Variants in C1orf50 observed in about 807,000 individuals in gnomAD.
The protein encoded by C1orf50 is chromosome 1 open reading frame 50.
In C1orf50, 22 loss-of-function variants were observed where a neutral mutation model predicts 23.3. That is an observed-to-expected ratio of 0.94 (90% CI 0.67 to 1.35). The LOEUF is 1.35. Ranked by LOEUF, C1orf50 falls within the 40% of genes most tolerant of loss-of-function variation. C1orf50 has a pLI of 0.00. For missense variants in C1orf50, 271 were observed against 249.4 expected, an observed-to-expected ratio of 1.09 and a Z score of -0.58; for synonymous variants, 96 against 102.4, an observed-to-expected ratio of 0.94 and a Z score of 0.38.
chr1:42,775,212 T>C lies in C1orf50; in HGVS notation c.418T>C (p.Trp140Arg). The C allele has an allele frequency of 6.3e-7, 1 of 1,587,984 alleles. No individual in the cohort carries two copies. The highest frequency in any genetic ancestry group is 1.7e-4 in the Middle Eastern group (1 of 5,990). ...QYFSIISPKE[W>R]GTSCPHDFLG... is the part of the protein sequence containing the mutation. The stretch of plus-strand genomic sequence containing the variant: ...CTGCCTCCTTTGCCTTCTCTAGGAA[T>C]GGGGGACAAGTTGTCCACATGACTT... Residue 140 changes from tryptophan (W) to arginine (R), a missense_variant, in exon 5 of 5, where the codon TGG becomes CGG. Coordinates refer to ENST00000372525, the MANE Select transcript of C1orf50 (RefSeq NM_024097.4).
Position 42,778,491 on chromosome 1 carries a change from A to G in C1orf50, c.*3097A>G, listed in dbSNP as rs182700972. The G allele has an allele frequency of 7.9e-5, 12 of 152,260 alleles. No individual in the cohort carries two copies. Among genetic ancestry groups the G allele is most frequent in the Admixed American group, 4.6e-4 (7 of 15,294 alleles). 9.4% of individuals were successfully genotyped at this position (152,260 alleles called of 1,614,324 possible). On this transcript the variant is annotated 3_prime_UTR_variant, in exon 5 of 5. Coordinates refer to ENST00000372525, the MANE Select transcript of C1orf50 (RefSeq NM_024097.4). ...AAGTTAGAACTTTCTGGAGGCTCCAATTGCCCTTTCATAGGAAGTTTGTCT... is the reference window on the plus strand; with the variant it reads ...AAGTTAGAACTTTCTGGAGGCTCCAGTTGCCCTTTCATAGGAAGTTTGTCT...
At chr1:42,775,121 C>A in intron 4 of C1orf50, 88 bp from the exon 5 acceptor site, 1 of 1,311,584 alleles carries the variant, frequency 7.6e-7, no homozygotes. Flanking sequence ...AGTGAAAAGC[C>A]AAAAAAGAGA....
At position 42,778,066 on chromosome 1, in the gene C1orf50, T is replaced by C. The variant is rs1653374208; in HGVS notation, c.*2672T>C. On this transcript the variant is annotated 3_prime_UTR_variant, in exon 5 of 5. Coordinates refer to ENST00000372525, the MANE Select transcript of C1orf50 (RefSeq NM_024097.4). ...ACCACCAAGGGGTGTCATTGCTCTTTCCTGGTTAAGCCAGTTACCACACTT... is the reference window on the plus strand; with the variant it reads ...ACCACCAAGGGGTGTCATTGCTCTTCCCTGGTTAAGCCAGTTACCACACTT... 1 of 152,076 alleles carries C rather than the reference T, an allele frequency of 6.6e-6. No individual in the cohort carries two copies. Among genetic ancestry groups the C allele is most frequent in the African/African-American group, 2.4e-5 (1 of 41,414 alleles). 9.4% of individuals were successfully genotyped at this position (152,076 alleles called of 1,614,324 possible). A position where few individuals can be genotyped will look rare whatever the true frequency, so the allele number is the denominator to read the frequency against.
In C1orf50 at chr1:42,775,395, G is replaced by A; in HGVS notation, c.*1G>A. On this transcript the variant is annotated 3_prime_UTR_variant, in exon 5 of 5. Transcript: ENST00000372525. ...CAACTTCCAGGGACTGACTCACTGAGAGTGGGCTTTGACAAACAGCTCTCA... is the reference window on the plus strand; with the variant it reads ...CAACTTCCAGGGACTGACTCACTGAAAGTGGGCTTTGACAAACAGCTCTCA... 1 of 1,578,384 alleles carries A rather than the reference G, an allele frequency of 6.3e-7. No homozygotes were observed. Among genetic ancestry groups the A allele is most frequent in the East Asian group, 2.3e-5 (1 of 44,064 alleles).
chr1:42,769,630 T>C (rs773655696), intron 2 of C1orf50: 1 of 151,042 alleles, frequency 6.6e-6, no homozygotes, highest in Non-Finnish European at 1.5e-5. Flanking sequence ...GATCACGAGA[T>C]CAGGAATTCA....
intron 3 of C1orf50, among the ~76,000 whole-genome samples, chr1:42,774,456 C>T (rs1014715944): frequency 3.9e-5 from 6 of 152,196 alleles, no homozygotes; most frequent in South Asian, 2.1e-4. Flanking sequence ...CTCCTGAACT[C>T]AAGTGATCCA....
At chr1:42,768,007 A>G (rs1653123102) in intron 2 of C1orf50, among the ~76,000 whole-genome samples, 1 of 152,212 alleles carries the variant, frequency 6.6e-6, no homozygotes, top group African/African-American at 2.4e-5. Context: ...GCTGCTTCCC[A>G]TAAGATCTTT....
chr1:42,773,657 A>G lies in C1orf50; in HGVS notation c.282+8A>G. The G allele has an allele frequency of 1.3e-6, 2 of 1,589,750 alleles. No individual in the cohort carries two copies. The highest frequency in any genetic ancestry group is 1.7e-6 in the Non-Finnish European group (2 of 1,158,660). The stretch of plus-strand genomic sequence containing the variant: ...CAAGAACAAGCCAGGAAGGTAAGGA[A>G]TGACTGTTAGACAGGCTTTCATTTT... On this transcript the variant is annotated splice_region_variant and intron_variant, in intron 3 of 4. Coordinates refer to ENST00000372525, the MANE Select transcript of C1orf50 (RefSeq NM_024097.4).
rs1220879299 is a variant in C1orf50, at chr1:42,778,485, G to C, written c.*3091G>C. On this transcript the variant is annotated 3_prime_UTR_variant, in exon 5 of 5. Coordinates refer to ENST00000372525, the MANE Select transcript of C1orf50 (RefSeq NM_024097.4). ...CCATACAAGTTAGAACTTTCTGGAG[G>C]CTCCAATTGCCCTTTCATAGGAAGT... The C allele has an allele frequency of 2.6e-5, 4 of 152,196 alleles. No individual in the cohort carries two copies. Among genetic ancestry groups the C allele is most frequent in the African/African-American group, 9.7e-5 (4 of 41,448 alleles). 9.4% of individuals were successfully genotyped at this position (152,196 alleles called of 1,614,324 possible).
rs1399376377 is a variant in C1orf50, at chr1:42,777,064, A to T, written c.*1670A>T. The T allele has an allele frequency of 3.9e-5, 6 of 152,180 alleles. No homozygotes were observed. Among genetic ancestry groups the T allele is most frequent in the Non-Finnish European group, 8.8e-5 (6 of 68,056 alleles). 9.4% of individuals were successfully genotyped at this position (152,180 alleles called of 1,614,324 possible). A position where few individuals can be genotyped will look rare whatever the true frequency, so the allele number is the denominator to read the frequency against. ...CCTGAGTGGGGAAGGATCTGCTTCC[A>T]AGCTCACTTAAATTGTTAGCAGAAT... is the stretch of plus-strand genomic sequence containing the variant. On this transcript the variant is annotated 3_prime_UTR_variant, in exon 5 of 5. Coordinates refer to ENST00000372525, the MANE Select transcript of C1orf50 (RefSeq NM_024097.4).
chr1:42,767,253 T>G lies in C1orf50; in HGVS notation c.-59T>G, dbSNP rs1653078229. On this transcript the variant is annotated 5_prime_UTR_variant, in exon 1 of 5. Coordinates refer to ENST00000372525, the MANE Select transcript of C1orf50 (RefSeq NM_024097.4). ...AGACGGAAGCTCCGCCCACGCGCCTTTATGCGCAGGCTCTTCCTACTCGCA... is the reference window on the plus strand; with the variant it reads ...AGACGGAAGCTCCGCCCACGCGCCTGTATGCGCAGGCTCTTCCTACTCGCA... 1 of 1,451,948 alleles carries G rather than the reference T, an allele frequency of 6.9e-7. No individual in the cohort carries two copies. The highest frequency in any genetic ancestry group is 1.5e-5 in the South Asian group (1 of 68,620). 89.9% of individuals were successfully genotyped at this position (1,451,948 alleles called of 1,614,324 possible).
At position 42,776,038 on chromosome 1, in the gene C1orf50, A is replaced by G; in HGVS notation, c.*644A>G. On this transcript the variant is annotated 3_prime_UTR_variant, in exon 5 of 5. Transcript: ENST00000372525. ...TAGAGTGACAGAATCTGAGGCAGCAAAGGCCAGGTTTGGGGAGAGTCAACT... is the reference window on the plus strand; with the variant it reads ...TAGAGTGACAGAATCTGAGGCAGCAGAGGCCAGGTTTGGGGAGAGTCAACT... 6.6e-6 allele frequency: 1 copy of G among 152,202 alleles called. No individual in the cohort carries two copies. The highest frequency in any genetic ancestry group is 2.1e-4 in the South Asian group (1 of 4,818). The allele number at this position is 152,202 out of a possible 1,614,324, so 9.4% of individuals were successfully genotyped here.
Position 42,779,252 on chromosome 1 carries a change from C to G in C1orf50, c.*3858C>G, listed in dbSNP as rs1352295894. On this transcript the variant is annotated 3_prime_UTR_variant, in exon 5 of 5. Coordinates refer to ENST00000372525, the MANE Select transcript of C1orf50 (RefSeq NM_024097.4). Reference sequence around the variant, plus strand: ...ATTAGCCGGGCGTGGTGGCGGGCGCCTGTAATCCCAGCTACTCGGGAGGCT... The same window carrying G: ...ATTAGCCGGGCGTGGTGGCGGGCGCGTGTAATCCCAGCTACTCGGGAGGCT... 1 of 151,872 alleles carries G rather than the reference C, an allele frequency of 6.6e-6. No individual in the cohort carries two copies. Among genetic ancestry groups the G allele is most frequent in the African/African-American group, 2.4e-5 (1 of 41,304 alleles). The allele number at this position is 151,872 out of a possible 1,614,324, so 9.4% of individuals were successfully genotyped here. A position where few individuals can be genotyped will look rare whatever the true frequency, so the allele number is the denominator to read the frequency against.
At chr1:42,774,128 A>C (rs1653282531) in intron 3 of C1orf50, among the ~76,000 whole-genome samples, 1 of 152,198 alleles carries the variant, frequency 6.6e-6, no homozygotes. Context: ...TAAAGCATTT[A>C]ACAGGGGATT....
chr1:42,774,796 A>G lies in C1orf50; in HGVS notation c.342A>G (p.Lys114=), dbSNP rs775499760. 3 of 1,613,870 alleles carry G rather than the reference A, an allele frequency of 1.9e-6. No homozygotes were observed. Among genetic ancestry groups the G allele is most frequent in the Non-Finnish European group, 2.5e-6 (3 of 1,179,898 alleles). ...NLHHVACNIV[K]KPGNIYYLYK... is the part of the protein sequence containing the mutation. Reference sequence around the variant, plus strand: ...ACCATGTAGCTTGTAATATAGTGAAAAAACCTGGCAACATTTACTATCTCT... The same window carrying G: ...ACCATGTAGCTTGTAATATAGTGAAGAAACCTGGCAACATTTACTATCTCT... Residue 114 remains lysine (K), a synonymous_variant, in exon 4 of 5, where the codon AAA becomes AAG. Transcript: ENST00000372525.
Position 42,777,250 on chromosome 1 carries a change from C to T in C1orf50, c.*1856C>T, listed in dbSNP as rs1653358975. ...AGCTGAGATTACAGGCGCACGCCACCATGCCCAGCTAATTTTTTTATTTTT... is the reference window on the plus strand; with the variant it reads ...AGCTGAGATTACAGGCGCACGCCACTATGCCCAGCTAATTTTTTTATTTTT... On this transcript the variant is annotated 3_prime_UTR_variant, in exon 5 of 5. Coordinates refer to ENST00000372525, the MANE Select transcript of C1orf50 (RefSeq NM_024097.4). The T allele has an allele frequency of 6.6e-6, 1 of 152,264 alleles. No individual in the cohort carries two copies. Among genetic ancestry groups the T allele is most frequent in the African/African-American group, 2.4e-5 (1 of 41,444 alleles). 9.4% of individuals were successfully genotyped at this position (152,264 alleles called of 1,614,324 possible).
At position 42,777,188 on chromosome 1, in the gene C1orf50, CT is replaced by C. The variant is rs1653357607; in HGVS notation, c.*1795del. 1 of 152,322 alleles carries C rather than the reference CT, an allele frequency of 6.6e-6. No individual in the cohort carries two copies. Among genetic ancestry groups the C allele is most frequent in the Non-Finnish European group, 1.5e-5 (1 of 68,108 alleles). The allele number at this position is 152,322 out of a possible 1,614,324, so 9.4% of individuals were successfully genotyped here. The stretch of plus-strand genomic sequence containing the variant: ...CTCAGCTTACCGCAACCTCCGCCTC[CT>C]GGTTCAAGTGATTCTCCTGCCTCAG... On this transcript the variant is annotated 3_prime_UTR_variant, in exon 5 of 5. Coordinates refer to ENST00000372525, the MANE Select transcript of C1orf50 (RefSeq NM_024097.4).
rs1653397165 is a variant in C1orf50, at chr1:42,779,113, C to T, written c.*3719C>T. The T allele has an allele frequency of 1.3e-5, 2 of 152,248 alleles. No individual in the cohort carries two copies. Among genetic ancestry groups the T allele is most frequent in the South Asian group, 4.1e-4 (2 of 4,826 alleles). 9.4% of individuals were successfully genotyped at this position (152,248 alleles called of 1,614,324 possible). A position where few individuals can be genotyped will look rare whatever the true frequency, so the allele number is the denominator to read the frequency against. The stretch of plus-strand genomic sequence containing the variant: ...TCATAACAAGCTGGGCGCAGTGGCT[C>T]ACGCCTGTAATCCCAGCACTTTGGG... On this transcript the variant is annotated 3_prime_UTR_variant, in exon 5 of 5. Transcript: ENST00000372525.
At chr1:42,772,999 A>T (rs1653256468) in intron 2 of C1orf50, among the ~76,000 whole-genome samples, 2 of 152,224 alleles carry the variant, frequency 1.3e-5, no homozygotes, top group South Asian at 4.1e-4. Context: ...TTCTCAGTTC[A>T]GGGGGTGTGG....
Sources: allele counts gnomAD v4.1 joint callset (sites outside exome capture counted in the v4.1 genomes callset), GRCh38; gene constraint gnomAD v4.1.1; transcripts MANE v1.5; gene names NCBI Gene and HGNC (gene_info 2026-07-23, HGNC 2026-07-21).